PTDSS1: variants seen among roughly 807,000 people sequenced by gnomAD.
The protein encoded by PTDSS1 is phosphatidylserine synthase 1.
Under a neutral mutation model 70.5 loss-of-function variants are expected in PTDSS1, and 45 were observed. The ratio of observed to expected loss-of-function variants is 0.64; its 90% CI spans 0.50 to 0.82. The LOEUF is 0.82. PTDSS1 is among the 40% of genes least tolerant of loss of function. PTDSS1 has a pLI of 0.00. For synonymous variants in PTDSS1, 188 were observed against 203.8 expected (o/e 0.92, Z 0.66); for missense variants, 417 against 586.1 (o/e 0.71, Z 2.98).
chr8:96,284,130 C>A lies in PTDSS1; in HGVS notation c.293C>A (p.Pro98Gln). Reference protein sequence around the residue: ...FPNGPFTRPHPALWRMVFGLS... With the variant: ...FPNGPFTRPHQALWRMVFGLS... ...GCAGGTCCGTTCACTCGACCTCATC[C>A]AGCCTTATGGCGAATGGTTTTTGGT... Residue 98 changes from proline to glutamine, a missense_variant, in exon 3 of 13, where the codon CCA (proline) becomes CAA (glutamine). By Grantham distance (76) the Pro-to-Gln change is moderately conservative. Around this residue, in one of 3 missense-constraint regions of PTDSS1, gnomAD observed 272 missense variants for 429.5 expected, o/e 0.63. Coordinates refer to ENST00000517309, the MANE Select transcript of PTDSS1 (RefSeq NM_014754.3). 1 of 1,610,460 alleles carries A rather than the reference C, an allele frequency of 6.2e-7. No homozygotes were observed. Among genetic ancestry groups the A allele is most frequent in the Non-Finnish European group, 8.5e-7 (1 of 1,177,216 alleles).
At chr8:96,269,476 C>T (rs1260688601) in intron 1 of PTDSS1, among the ~76,000 whole-genome samples, 1 of 152,152 alleles carries the variant, frequency 6.6e-6, no homozygotes, top group African/African-American at 2.4e-5. Flanking sequence ...CAATGGAAAG[C>T]TTTAAGTCTT....
At chr8:96,268,939 C>T (rs1038286720) in intron 1 of PTDSS1, among the ~76,000 whole-genome samples, 2 of 152,198 alleles carry the variant, frequency 1.3e-5, no homozygotes, top group East Asian at 3.8e-4. Context: ...TTCTTGCCAC[C>T]TACTATGGCA....
At chr8:96,287,677 C>T (rs1387507028) in intron 4 of PTDSS1, among the ~76,000 whole-genome samples, 1 of 152,028 alleles carries the variant, frequency 6.6e-6, no homozygotes, top group Non-Finnish European at 1.5e-5. Flanking sequence ...TGATCCTGCT[C>T]CACTGCTTGC....
intron 6 of PTDSS1, among the ~76,000 whole-genome samples, chr8:96,303,313 C>G (rs1338925978): frequency 3.3e-5 from 5 of 152,130 alleles, no homozygotes; most frequent in Non-Finnish European, 7.4e-5. Flanking sequence ...GATGAAGGAA[C>G]AGCCCTGGTT....
intron 4 of PTDSS1, 66 bp downstream of exon 4, chr8:96,287,212 G>C (rs1810835909): frequency 1.3e-6 from 2 of 1,555,656 alleles, no homozygotes; most frequent in African/African-American, 2.7e-5. Context: ...AGAGGTAATA[G>C]ACTTGACATT....
intron 4 of PTDSS1, among the ~76,000 whole-genome samples, chr8:96,289,960 G>A (rs1406884597): frequency 6.6e-6 from 1 of 152,064 alleles, no homozygotes; most frequent in Non-Finnish European, 1.5e-5. Context: ...TGCAGATGAC[G>A]GTTATGAGAA....
chr8:96,332,195 G>A (rs1811527516), intron 12 of PTDSS1, among the ~76,000 whole-genome samples: 1 of 152,056 alleles, frequency 6.6e-6, no homozygotes, highest in Non-Finnish European at 1.5e-5. Flanking sequence ...GAATATTTGG[G>A]GCCACCTGGT....
rs1290078269 is a variant in PTDSS1 at position 96,287,050 on chromosome 8, G to T, written c.345G>T (p.Leu115=). Residue 115 remains leucine (L), a synonymous_variant, in exon 4 of 13, where the codon CTG becomes CTT. Transcript: ENST00000517309. ...TCAGTGTGCTCTACTTCCTGTTCCT[G>T]GTATTCCTACTCTTCCTGAATTTCG... is the stretch of plus-strand genomic sequence containing the variant. ...FGLSVLYFLF[L]VFLLFLNFEQ... 2 of 1,613,960 alleles carry T rather than the reference G, an allele frequency of 1.2e-6. No individual in the cohort carries two copies. The highest frequency in any genetic ancestry group is 8.5e-7 in the Non-Finnish European group (1 of 1,179,894).
At chr8:96,264,105 C>T (rs1810454191) in intron 1 of PTDSS1, among the ~76,000 whole-genome samples, 2 of 152,208 alleles carry the variant, frequency 1.3e-5, no homozygotes, top group Non-Finnish European at 2.9e-5. Flanking sequence ...AGACATATTT[C>T]TAGCTTTGGA....
chr8:96,321,510 T>G (rs2130161842), intron 10 of PTDSS1, among the ~76,000 whole-genome samples: 1 of 152,370 alleles, frequency 6.6e-6, no homozygotes, highest in East Asian at 1.9e-4. Context: ...CCCTCGTAAT[T>G]TATCGGTTGA....
At position 96,286,728 on chromosome 8, in the gene PTDSS1, T is replaced by C. The variant is rs17780235; in HGVS notation, c.317-294T>C. Among the ~76,000 whole-genome samples the C allele has an allele frequency of 0.067, 10,222 of 152,286 alleles. 386 individuals are homozygous for C. The highest frequency in any genetic ancestry group is 0.082 in the Middle Eastern group (24 of 294). On this transcript the variant is annotated intron_variant, in intron 3 of 12. Transcript: ENST00000517309. ...TGCATGCTGTTCTCTACCTGAATGT[T>C]GCGTGCAATCCTCACACCCACCCCG...
intron 10 of PTDSS1, among the ~76,000 whole-genome samples, chr8:96,329,819 C>A (rs1051341055): frequency 6.6e-6 from 1 of 152,202 alleles, no homozygotes; most frequent in Non-Finnish European, 1.5e-5. Flanking sequence ...CACACTGAGT[C>A]CTCTTAGCGC....
intron 10 of PTDSS1, among the ~76,000 whole-genome samples, chr8:96,322,515 C>T (rs986316678): frequency 1.3e-5 from 2 of 152,126 alleles, no homozygotes; most frequent in Non-Finnish European, 2.9e-5. Flanking sequence ...TGATAACAAT[C>T]CCACTCCTGC....
chr8:96,331,207 C>T, intron 12 of PTDSS1, 112 bp downstream of exon 12: 1 of 959,348 alleles, frequency 1.0e-6, no homozygotes, highest in Admixed American at 2.2e-5. Context: ...CAGGCCTACC[C>T]ATTGAATGTC....
intron 4 of PTDSS1, among the ~76,000 whole-genome samples, chr8:96,292,289 CAAAAAAA>C (rs34282078): frequency 2.4e-4 from 21 of 87,844 alleles, no homozygotes; most frequent in African/African-American, 6.2e-4. Context: ...AACGCTGTCT[CAAAAAAA>C]AAAAAAAAAA....
In PTDSS1 at chr8:96,331,091, A is replaced by G; in HGVS notation, c.1308A>G (p.Thr436=). 6.3e-7 allele frequency: 1 copy of G among 1,592,236 alleles called. No individual in the cohort carries two copies. The highest frequency in any genetic ancestry group is 1.1e-5 in the South Asian group (1 of 90,460). Residue 436 remains threonine, a synonymous_variant, in exon 12 of 13, where the codon ACA becomes ACG. Transcript: ENST00000517309. ...PEISWHHRKG[T]KGSEDSPPKH... ...TCTCCTGGCATCACAGGAAAGGGAC[A>G]AAAGGTATCTTGTTCTTGTTCGTTG...
At chr8:96,303,808 C>G (rs1486905786) in intron 6 of PTDSS1, among the ~76,000 whole-genome samples, 1 of 152,028 alleles carries the variant, frequency 6.6e-6, no homozygotes, top group Non-Finnish European at 1.5e-5. Context: ...AGTGGGAGAA[C>G]AGTCTCCTTG....
At position 96,333,969 on chromosome 8, in the gene PTDSS1, A is replaced by C. The variant is rs999482217; in HGVS notation, c.*403A>C. ...GTTAATGGACTGGTCACCAGTTTTTATTTTATTTTTATGAATCTACCTTTC... is the reference window on the plus strand; with the variant it reads ...GTTAATGGACTGGTCACCAGTTTTTCTTTTATTTTTATGAATCTACCTTTC... On this transcript the variant is annotated 3_prime_UTR_variant, in exon 13 of 13. Coordinates refer to ENST00000517309, the MANE Select transcript of PTDSS1 (RefSeq NM_014754.3). 4.4e-6 allele frequency: 2 copies of C among 457,168 alleles called. No individual in the cohort carries two copies. The highest frequency in any genetic ancestry group is 7.7e-6 in the Non-Finnish European group (2 of 258,552). The allele number at this position is 457,168 out of a possible 1,614,324, so 28.3% of individuals were successfully genotyped here.
chr8:96,293,159 T>C (rs545719139), intron 4 of PTDSS1, among the ~76,000 whole-genome samples: 30 of 152,346 alleles, frequency 2.0e-4, no homozygotes, highest in African/African-American at 7.2e-4. Context: ...GTAAGCTAGA[T>C]GTGAATACCT....
Sources: gnomAD v4.1 joint callset for allele counts (sites outside exome capture counted in the v4.1 genomes callset) on GRCh38, gnomAD v4.1.1 for gene constraint, gnomAD v4.1.1 regional missense constraint, MANE v1.5 for transcripts, NCBI Gene and HGNC (gene_info 2026-07-23, HGNC 2026-07-21) for gene names.